Variants in UPK1B observed in about 807,000 individuals in gnomAD.
UPK1B encodes uroplakin-1b.
A neutral mutation model predicts 34.2 loss-of-function variants in UPK1B; 28 were observed. The observed-to-expected ratio is 0.82, with a 90% confidence interval of 0.61 to 1.12. UPK1B has a LOEUF of 1.12. Ranked by LOEUF, UPK1B falls within the 50% of genes most tolerant of loss-of-function variation. The probability of loss-of-function intolerance (pLI) is 0.00; values close to 1 mark genes in which losing one functional copy is unlikely to be tolerated. For synonymous variants in UPK1B, 81 were observed against 110.4 expected (o/e 0.73, Z 1.67); for missense variants, 325 against 320.9 (o/e 1.01, Z -0.10).
In UPK1B at chr3:119,203,971, T is replaced by A; in HGVS notation, c.*4T>A. ...CTGGAGCAGAATTGAATATTAAGCA[T>A]AAAGTGTTGCCACCATACCTCCTTC... On this transcript the variant is annotated 3_prime_UTR_variant, in exon 8 of 8. Transcript: ENST00000264234. 1.9e-6 allele frequency: 3 copies of A among 1,613,926 alleles called. No individual in the cohort carries two copies. The highest frequency in any genetic ancestry group is 2.5e-6 in the Non-Finnish European group (3 of 1,179,988).
chr3:119,198,450 G>C (rs572802447), intron 6 of UPK1B, among the ~76,000 whole-genome samples: 10 of 152,186 alleles, frequency 6.6e-5, no homozygotes, highest in Non-Finnish European at 1.2e-4. Context: ...CTGGATTGTG[G>C]CATGCATGAA....
At chr3:119,197,481 A>G (rs1270198211) in intron 6 of UPK1B, among the ~76,000 whole-genome samples, 1 of 152,224 alleles carries the variant, frequency 6.6e-6, no homozygotes, top group Non-Finnish European at 1.5e-5. Flanking sequence ...ATATATTATT[A>G]GATGAACGAC....
At chr3:119,176,161 T>C (rs1022077838) in intron 1 of UPK1B, 3 of 152,266 alleles carry the variant, frequency 2.0e-5, no homozygotes, top group Non-Finnish European at 4.4e-5. Flanking sequence ...TCCTCTCCTA[T>C]TTTTCCTTTT....
At chr3:119,181,150 A>G (rs2077988054) in intron 1 of UPK1B, among the ~76,000 whole-genome samples, 1 of 152,018 alleles carries the variant, frequency 6.6e-6, no homozygotes, top group African/African-American at 2.4e-5. Context: ...GGGGCTAGCT[A>G]TGTGTTTAGG....
intron 3 of UPK1B, 65 bp from the exon 4 acceptor site, chr3:119,190,180 T>A: frequency 1.6e-6 from 2 of 1,277,914 alleles, no homozygotes; most frequent in Non-Finnish European, 2.2e-6. Flanking sequence ...AAAACATAAT[T>A]ATTTGGGCAA....
intron 6 of UPK1B, among the ~76,000 whole-genome samples, chr3:119,198,194 A>C (rs1233681292): frequency 1.3e-5 from 2 of 152,028 alleles, no homozygotes; most frequent in African/African-American, 2.4e-5. Context: ...CTTGCAAGTA[A>C]GGGGCCCTGA....
chr3:119,187,444 C>T (rs1005318151), intron 2 of UPK1B, among the ~76,000 whole-genome samples: 1 of 152,186 alleles, frequency 6.6e-6, no homozygotes, highest in Admixed American at 6.5e-5. Context: ...TCAAATATTA[C>T]AACCCAGAAA....
At chr3:119,190,771 G>C (rs576961751) in intron 4 of UPK1B, among the ~76,000 whole-genome samples, 1 of 152,108 alleles carries the variant, frequency 6.6e-6, no homozygotes, top group South Asian at 2.1e-4. Context: ...GTGTTCCCCT[G>C]GCCTCATAGT....
At chr3:119,182,081 G>A (rs1281673200) in intron 1 of UPK1B, among the ~76,000 whole-genome samples, 3 of 152,320 alleles carry the variant, frequency 2.0e-5, no homozygotes, top group South Asian at 4.1e-4. Context: ...CATGCAAGGC[G>A]GGCCCCTCCC....
intron 5 of UPK1B, 138 bp from the exon 6 acceptor site, chr3:119,194,074 TTCAGCTG>T: frequency 1.3e-6 from 1 of 779,454 alleles, no homozygotes; most frequent in East Asian, 2.8e-5. Context: ...TATCAATACC[TTCAGCTG>T]TCATTTGGGG....
At chr3:119,186,952 TA>T (rs2078021856) in intron 2 of UPK1B, 142 bp downstream of exon 2, 5 of 773,334 alleles carry the variant, frequency 6.5e-6, no homozygotes, top group Non-Finnish European at 1.0e-5. Context: ...AATGTGTTAG[TA>T]AATATGCTAG....
chr3:119,202,233 G>A (rs962460800), intron 7 of UPK1B, among the ~76,000 whole-genome samples: 1 of 152,190 alleles, frequency 6.6e-6, no homozygotes, highest in Non-Finnish European at 1.5e-5. Flanking sequence ...CAAGAATTGT[G>A]CTTAATAAGA....
Position 119,190,321 on chromosome 3 carries a change from TG to T in UPK1B, c.345+3del. 6.2e-7 allele frequency: 1 copy of T among 1,609,740 alleles called. No homozygotes were observed. Among genetic ancestry groups the T allele is most frequent in the Non-Finnish European group, 8.5e-7 (1 of 1,176,626 alleles). ...ACAGCAGCAACACAACAAGACTTTGTGAGTACAACCTCAAAAAGCAAAATAA... is the reference window on the plus strand; with the variant it reads ...ACAGCAGCAACACAACAAGACTTTGTAGTACAACCTCAAAAAGCAAAATAA... On this transcript the variant is annotated splice_donor_region_variant and intron_variant, in intron 4 of 7. Coordinates refer to ENST00000264234, the MANE Select transcript of UPK1B (RefSeq NM_006952.4).
At position 119,179,014 on chromosome 3, in the gene UPK1B, T is replaced by G. The variant is rs183890383; in HGVS notation, c.-29+5376T>G. On this transcript the variant is annotated intron_variant, in intron 1 of 7. Coordinates refer to ENST00000264234, the MANE Select transcript of UPK1B (RefSeq NM_006952.4). ...TGGGATGGTGTGTTACTCAAGGTTCTTTCAGAGATAGAACCAAAAGGAGAT... is the reference window on the plus strand; with the variant it reads ...TGGGATGGTGTGTTACTCAAGGTTCGTTCAGAGATAGAACCAAAAGGAGAT... Among the ~76,000 whole-genome samples the G allele has an allele frequency of 2.6e-3, 393 of 152,230 alleles. 11 individuals carry two copies. The highest frequency in any genetic ancestry group is 0.024 in the Admixed American group (369 of 15,288).
chr3:119,192,314 C>T (rs1261100041), intron 5 of UPK1B, among the ~76,000 whole-genome samples: 1 of 152,170 alleles, frequency 6.6e-6, no homozygotes, highest in Non-Finnish European at 1.5e-5. Context: ...GCCAGTCCTT[C>T]CCTACCCTTC....
intron 1 of UPK1B, 22 bp downstream of exon 1, chr3:119,173,660 T>C (rs1343108295): frequency 6.6e-6 from 1 of 152,210 alleles, no homozygotes; most frequent in East Asian, 1.9e-4. Context: ...GCTTTCCCTC[T>C]GCAGGGAATC....
rs1281265674 is a variant in UPK1B at position 119,186,805 on chromosome 3, A to G, written c.64A>G (p.Ile22Val). 3.1e-6 allele frequency: 5 copies of G among 1,614,038 alleles called. No individual in the cohort carries two copies. Among genetic ancestry groups the G allele is most frequent in the Non-Finnish European group, 4.2e-6 (5 of 1,179,890 alleles). Residue 22 changes from isoleucine to valine, a missense_variant, in exon 2 of 8, where the codon ATT (isoleucine) becomes GTT (valine). Physicochemically the swap from Ile to Val is conservative, Grantham distance 29. Coordinates refer to ENST00000264234, the MANE Select transcript of UPK1B (RefSeq NM_006952.4). ...QGLLIFGNVIIGCCGIALTAE... is the reference protein window; with the variant it reads ...QGLLIFGNVIVGCCGIALTAE... ...CCTGCTGATTTTTGGAAATGTGATTATTGGTGTAAGTAATGATTATTTTCC... is the reference window on the plus strand; with the variant it reads ...CCTGCTGATTTTTGGAAATGTGATTGTTGGTGTAAGTAATGATTATTTTCC...
At chr3:119,183,950 G>C (rs1253513334) in intron 1 of UPK1B, among the ~76,000 whole-genome samples, 2 of 152,146 alleles carry the variant, frequency 1.3e-5, no homozygotes, top group East Asian at 3.9e-4. Flanking sequence ...TAGTGAAAAA[G>C]GAGAACATTT....
intron 2 of UPK1B, 54 bp from the exon 3 acceptor site, chr3:119,187,721 C>A: frequency 1.3e-6 from 2 of 1,558,266 alleles, no homozygotes; most frequent in Non-Finnish European, 8.8e-7. Flanking sequence ...CCACCCTCCA[C>A]CCCCTTTCCC....
Sources: gnomAD v4.1 joint callset for allele counts (sites outside exome capture counted in the v4.1 genomes callset) on GRCh38, gnomAD v4.1.1 for gene constraint, MANE v1.5 for transcripts, NCBI Gene and HGNC (gene_info 2026-07-23, HGNC 2026-07-21) for gene names.